Variants in ZNF385D observed in about 807,000 individuals in gnomAD.
ZNF385D encodes zinc finger protein 659.
ZNF385D carries 15 observed loss-of-function variants against 35.8 expected under a neutral mutation model. The ratio of observed to expected loss-of-function variants is 0.42; its 90% confidence interval spans 0.28 to 0.64. The LOEUF (loss-of-function observed/expected upper bound fraction) is 0.64, where lower values mean the gene tolerates loss of function less well. Ranked by LOEUF, ZNF385D falls within the 30% of genes least tolerant of loss-of-function variation. The pLI, the probability that ZNF385D is intolerant of heterozygous loss-of-function variation, is 0.23. For synonymous variants in ZNF385D, 212 were observed against 186.8 expected (o/e 1.13, Z -1.10); for missense variants, 474 against 494.6 (o/e 0.96, Z 0.39).
chr3:21,857,133 G>T (rs538118306), intron 3 of ZNF385D, among the ~76,000 whole-genome samples: 1 of 151,908 alleles, frequency 6.6e-6, no homozygotes, highest in Non-Finnish European at 1.5e-5. Flanking sequence ...CAACTCTCCC[G>T]ATCCTCTTGG....
chr3:21,949,327 G>A (rs940816143), intron 3 of ZNF385D, among the ~76,000 whole-genome samples: 23 of 152,214 alleles, frequency 1.5e-4, no homozygotes, highest in African/African-American at 5.3e-4. Context: ...CATTAGAAAT[G>A]CTTTCCACTT....
chr3:22,185,439 T>A (rs1282057706), intron 2 of ZNF385D, among the ~76,000 whole-genome samples: 1 of 152,096 alleles, frequency 6.6e-6, no homozygotes, highest in African/African-American at 2.4e-5. Context: ...AAATAATACA[T>A]GTATTTAAAT....
chr3:21,844,997 C>T (rs752472684), intron 3 of ZNF385D, among the ~76,000 whole-genome samples: 1 of 149,956 alleles, frequency 6.7e-6, no homozygotes, highest in East Asian at 2.0e-4. Flanking sequence ...AAATCATGAA[C>T]GAAGGCAAAC....
chr3:22,362,169 G>A (rs573475078), intron 2 of ZNF385D, among the ~76,000 whole-genome samples: 10 of 151,686 alleles, frequency 6.6e-5, no homozygotes, highest in Admixed American at 5.3e-4. Context: ...CTTTTTCCTG[G>A]CTTTTTTTGT....
intron 3 of ZNF385D, among the ~76,000 whole-genome samples, chr3:21,975,826 A>T (rs938635898): frequency 2.6e-5 from 4 of 151,006 alleles, no homozygotes; most frequent in African/African-American, 9.7e-5. Context: ...AATAAAAAAA[A>T]AATTAAGTGA....
intron 3 of ZNF385D, among the ~76,000 whole-genome samples, chr3:21,802,231 T>C (rs2072438062): frequency 6.6e-6 from 1 of 152,172 alleles, no homozygotes; most frequent in African/African-American, 2.4e-5. Context: ...GTGAATAATT[T>C]AGTATATATT....
chr3:21,686,938 C>T (rs2067124206), intron 1 of ZNF385D, among the ~76,000 whole-genome samples: 1 of 152,162 alleles, frequency 6.6e-6, no homozygotes, highest in East Asian at 1.9e-4. Flanking sequence ...GAAAGGGAGC[C>T]TATTTTCCCA....
intron 3 of ZNF385D, among the ~76,000 whole-genome samples, chr3:21,834,311 C>T (rs975321712): frequency 6.6e-6 from 1 of 152,126 alleles, no homozygotes; most frequent in African/African-American, 2.4e-5. Context: ...AAAACTCCAT[C>T]CCCCTAAGAA....
chr3:21,815,841 T>C (rs971709937), intron 3 of ZNF385D, among the ~76,000 whole-genome samples: 3 of 152,144 alleles, frequency 2.0e-5, no homozygotes, highest in Admixed American at 1.3e-4. Context: ...GAGGCCAGCA[T>C]CATTCTGATA....
intron 3 of ZNF385D, among the ~76,000 whole-genome samples, chr3:21,836,031 T>G (rs1253558023): frequency 6.6e-6 from 1 of 152,120 alleles, no homozygotes; most frequent in Non-Finnish European, 1.5e-5. Context: ...AAGAAAATTA[T>G]GCCCAGCACT....
intron 3 of ZNF385D, among the ~76,000 whole-genome samples, chr3:22,146,350 T>C (rs970405515): frequency 1.3e-5 from 2 of 152,150 alleles, no homozygotes; most frequent in Non-Finnish European, 2.9e-5. Context: ...GTATTTCCCA[T>C]TACCATCATT....
intron 2 of ZNF385D, among the ~76,000 whole-genome samples, chr3:22,220,701 A>G (rs1698200679): frequency 6.6e-6 from 1 of 152,192 alleles, no homozygotes; most frequent in African/African-American, 2.4e-5. Context: ...GTGATTACAT[A>G]GACTCTTATA....
intron 3 of ZNF385D, among the ~76,000 whole-genome samples, chr3:21,789,843 CA>C (rs2071852746): frequency 6.6e-6 from 1 of 152,162 alleles, no homozygotes; most frequent in Non-Finnish European, 1.5e-5. Flanking sequence ...GAATATTCTA[CA>C]ACCTTTGTGT....
At chr3:21,625,751 A>C (rs1023529422) in intron 2 of ZNF385D, among the ~76,000 whole-genome samples, 1 of 152,104 alleles carries the variant, frequency 6.6e-6, no homozygotes, top group Admixed American at 6.6e-5. Flanking sequence ...ATTGAATTAA[A>C]ACTAAAACTT....
At chr3:21,504,288 T>G (rs999484054) in intron 4 of ZNF385D, among the ~76,000 whole-genome samples, 1 of 151,942 alleles carries the variant, frequency 6.6e-6, no homozygotes, top group Non-Finnish European at 1.5e-5. Context: ...CAATCTCCTT[T>G]AGGGGTTAGA....
intron 1 of ZNF385D, among the ~76,000 whole-genome samples, chr3:21,731,118 T>C (rs1293652923): frequency 1.3e-5 from 2 of 152,198 alleles, no homozygotes; most frequent in Non-Finnish European, 1.5e-5. Flanking sequence ...TGTGCAGAGT[T>C]TGCAAAAATG....
intron 2 of ZNF385D, among the ~76,000 whole-genome samples, chr3:21,572,048 G>T (rs1444938042): frequency 1.3e-5 from 2 of 152,146 alleles, no homozygotes; most frequent in Non-Finnish European, 2.9e-5. Context: ...ACTCCTCAGA[G>T]GTTGGGATGA....
Position 21,702,441 on chromosome 3 carries a change from G to A in ZNF385D, c.23-37413C>T, listed in dbSNP as rs190000354. On this transcript the variant is annotated intron_variant, in intron 1 of 7. Transcript: ENST00000281523. ...CCCATGAAACCACATTTTCCTCCTGGGCCTCCAGGCCTGTGATGGGAGGGG... is the reference window on the plus strand; with the variant it reads ...CCCATGAAACCACATTTTCCTCCTGAGCCTCCAGGCCTGTGATGGGAGGGG... 2.5e-3 allele frequency among the ~76,000 whole-genome samples: 380 copies of A among 152,280 alleles called. 1 individual carries two copies. Among genetic ancestry groups the A allele is most frequent in the Admixed American group, 4.4e-3 (68 of 15,302 alleles).
At chr3:21,817,892 G>T (rs1321585636) in intron 3 of ZNF385D, among the ~76,000 whole-genome samples, 4 of 152,130 alleles carry the variant, frequency 2.6e-5, no homozygotes, top group African/African-American at 9.7e-5. Flanking sequence ...TGTTTATTGT[G>T]GCACTACTCA....
Sources: gnomAD v4.1 joint callset for allele counts (sites outside exome capture counted in the v4.1 genomes callset) on GRCh38, gnomAD v4.1.1 for gene constraint, MANE v1.5 for transcripts, NCBI Gene and HGNC (gene_info 2026-07-23, HGNC 2026-07-21) for gene names.